The following AVL9 variants were observed in gnomAD, a reference collection of about 807,000 sequenced individuals.
The protein encoded by AVL9 is late secretory pathway protein AVL9 homolog.
In AVL9, 49 loss-of-function variants were observed where a neutral mutation model predicts 79.2. The ratio of observed to expected loss-of-function variants is 0.62; its 90% CI spans 0.49 to 0.79. The LOEUF (loss-of-function observed/expected upper bound fraction) is 0.79. Among genes scored for constraint, AVL9 ranks in the 30% least tolerant of loss-of-function variants. The probability of loss-of-function intolerance (pLI) is 0.00; values close to 1 mark genes in which losing one functional copy is unlikely to be tolerated. For synonymous variants in AVL9, 299 were observed against 280.6 expected, an observed-to-expected ratio of 1.07 and a Z score of -0.65; for missense variants, 682 against 776.8, an observed-to-expected ratio of 0.88 and a Z score of 1.45.
intron 13 of AVL9, among the ~76,000 whole-genome samples, chr7:32,577,706 G>A (rs1791163109): frequency 6.6e-6 from 1 of 152,162 alleles, no homozygotes; most frequent in African/African-American, 2.4e-5. Context: ...GTTAGTGCAG[G>A]TCCAAAAGAG....
chr7:32,545,272 T>C (rs1293689036), intron 3 of AVL9, among the ~76,000 whole-genome samples: 2 of 146,104 alleles, frequency 1.4e-5, no homozygotes, highest in East Asian at 2.0e-4. Flanking sequence ...TGTGCCTTGC[T>C]TTTTTTTTTT....
chr7:32,544,534 A>G (rs1789380802), intron 2 of AVL9, among the ~76,000 whole-genome samples, 160 bp from the exon 3 acceptor site: 1 of 152,206 alleles, frequency 6.6e-6, no homozygotes, highest in Non-Finnish European at 1.5e-5. Flanking sequence ...GAAAAATTCT[A>G]GGAAACCATT....
At chr7:32,583,373 T>A (rs1368824220) in intron 15 of AVL9, among the ~76,000 whole-genome samples, 1 of 152,242 alleles carries the variant, frequency 6.6e-6, no homozygotes, top group East Asian at 1.9e-4. Flanking sequence ...ATATTTTGGC[T>A]ACTATTAACA....
chr7:32,571,463 G>C (rs1790841194), intron 11 of AVL9, among the ~76,000 whole-genome samples: 1 of 152,004 alleles, frequency 6.6e-6, no homozygotes, highest in Non-Finnish European at 1.5e-5. Context: ...GGGTGGTAGA[G>C]GTTGCAGGGA....
At chr7:32,526,978 C>A (rs1028288593) in intron 1 of AVL9, among the ~76,000 whole-genome samples, 1 of 152,128 alleles carries the variant, frequency 6.6e-6, no homozygotes, top group Admixed American at 6.5e-5. Flanking sequence ...TGGATATTCC[C>A]CGGGGACCCC....
intron 1 of AVL9, among the ~76,000 whole-genome samples, chr7:32,515,255 T>C (rs1787857749): frequency 6.6e-6 from 1 of 152,218 alleles, no homozygotes. Flanking sequence ...TCTCAAATAC[T>C]TTTTGGTTTA....
intron 13 of AVL9, among the ~76,000 whole-genome samples, chr7:32,578,297 A>G (rs1279983947): frequency 6.6e-6 from 1 of 152,100 alleles, no homozygotes; most frequent in Non-Finnish European, 1.5e-5. Context: ...TCTTTCCTAT[A>G]TCTTGATATT....
At chr7:32,517,123 T>C (rs534907292) in intron 1 of AVL9, among the ~76,000 whole-genome samples, 10 of 152,278 alleles carry the variant, frequency 6.6e-5, no homozygotes, top group African/African-American at 2.4e-4. Flanking sequence ...GCTAGAGTTC[T>C]GAAGTAAAAG....
At chr7:32,561,532 GA>G (rs1485117710) in intron 10 of AVL9, among the ~76,000 whole-genome samples, 2 of 152,210 alleles carry the variant, frequency 1.3e-5, no homozygotes, top group African/African-American at 4.8e-5. Flanking sequence ...TGGCTTAAGG[GA>G]ATGTTCTGTT....
At chr7:32,506,795 T>C (rs563039392) in intron 1 of AVL9, among the ~76,000 whole-genome samples, 1 of 150,688 alleles carries the variant, frequency 6.6e-6, no homozygotes, top group Admixed American at 6.6e-5. Flanking sequence ...ACTATTGTAA[T>C]GAAGAAAATA....
chr7:32,582,330 G>C (rs1365436329), intron 15 of AVL9, among the ~76,000 whole-genome samples: 2 of 152,034 alleles, frequency 1.3e-5, no homozygotes, highest in African/African-American at 4.8e-5. Flanking sequence ...AGTAATCTTT[G>C]TGTAGGTGTC....
chr7:32,560,394 A>T (rs533938628), intron 10 of AVL9, among the ~76,000 whole-genome samples: 92 of 152,188 alleles, frequency 6.0e-4, no homozygotes, highest in Middle Eastern at 6.8e-3. Context: ...CATTTCAACA[A>T]CATTCACCAC....
In AVL9 at chr7:32,551,605, C is replaced by CT. The variant is rs60271681; in HGVS notation, c.462+201dup. 6.0e-4 allele frequency among the ~76,000 whole-genome samples: 56 copies of CT among 93,750 alleles called. 1 individual carries two copies. Among genetic ancestry groups the CT allele is most frequent in the East Asian group, 1.3e-3 (4 of 3,038 alleles). 61.5% of individuals were successfully genotyped at this position (93,750 alleles called of 152,430 possible). ...TGCCCAAATACTAAATTTAACCAAA[C>CT]TTTTTTTTTTTTTTTTTTTAGGAAA... On this transcript the variant is annotated intron_variant, in intron 5 of 15. Coordinates refer to ENST00000318709, the MANE Select transcript of AVL9 (RefSeq NM_015060.3).
intron 3 of AVL9, 68 bp downstream of exon 3, chr7:32,544,847 CTT>C: frequency 8.6e-7 from 1 of 1,167,922 alleles, no homozygotes; most frequent in African/African-American, 1.5e-5. Context: ...TAAACACAGT[CTT>C]TATTTTTCAG....
chr7:32,580,376 C>T, intron 14 of AVL9, 104 bp downstream of exon 14: 1 of 887,024 alleles, frequency 1.1e-6, no homozygotes, highest in Non-Finnish European at 1.8e-6. Context: ...TAGACTTATG[C>T]TTCAAATAGT....
chr7:32,525,310 A>C (rs1044891784), intron 1 of AVL9, among the ~76,000 whole-genome samples: 2 of 152,214 alleles, frequency 1.3e-5, no homozygotes, highest in Non-Finnish European at 2.9e-5. Context: ...TTTAGAACAA[A>C]ACAGTTGGAG....
chr7:32,508,214 A>G (rs1274736052), intron 1 of AVL9, among the ~76,000 whole-genome samples: 1 of 152,144 alleles, frequency 6.6e-6, no homozygotes, highest in South Asian at 2.1e-4. Flanking sequence ...CATAATTGAA[A>G]TGTGGTCAAC....
rs762068998 is a variant in AVL9, at chr7:32,583,896, G to C, written c.1936G>C (p.Glu646Gln). ...CCAAAGTCTCACTGAGCCACCAGAT[G>C]AGAAGCCTTGAGCAAGGCGTCAGAG... is the stretch of plus-strand genomic sequence containing the variant. ...TSQSLTEPPDEKP is the reference protein window; with the variant it reads ...TSQSLTEPPDQKP Residue 646 changes from glutamate (E) to glutamine (Q), a missense_variant, in exon 16 of 16, where the codon GAG becomes CAG. By Grantham distance (29) the Glu-to-Gln change is conservative. Coordinates refer to ENST00000318709, the MANE Select transcript of AVL9 (RefSeq NM_015060.3). 28 of 1,613,148 alleles carry C rather than the reference G, an allele frequency of 1.7e-5. No individual in the cohort carries two copies. Among genetic ancestry groups the C allele is most frequent in the Non-Finnish European group, 2.2e-5 (26 of 1,179,280 alleles).
At chr7:32,510,173 G>A (rs1247746608) in intron 1 of AVL9, among the ~76,000 whole-genome samples, 3 of 151,640 alleles carry the variant, frequency 2.0e-5, no homozygotes, top group African/African-American at 7.3e-5. Context: ...AACTGCCCCA[G>A]TAGGAGCGAG....
Sources: gnomAD v4.1 joint callset for allele counts (sites outside exome capture counted in the v4.1 genomes callset) on GRCh38, gnomAD v4.1.1 for gene constraint, MANE v1.5 for transcripts, NCBI Gene and HGNC (gene_info 2026-07-23, HGNC 2026-07-21) for gene names.